Variants in AATK observed in about 807,000 individuals in gnomAD.
AATK encodes lemur tail kinase 1.
Under a neutral mutation model 114.3 loss-of-function variants are expected in AATK, and 91 were observed. That is an observed-to-expected ratio of 0.80 (90% CI 0.67 to 0.95). The LOEUF is 0.95. Ranked by LOEUF, AATK falls within the 40% of genes least tolerant of loss-of-function variation. The pLI is 0.00. For synonymous variants in AATK, 1,075 were observed against 916.5 expected, an observed-to-expected ratio of 1.17 and a Z score of -3.12; for missense variants, 2,176 against 1,965.2, an observed-to-expected ratio of 1.11 and a Z score of -2.03.
chr17:81,122,670 G>A lies in AATK; in HGVS notation c.1266C>T (p.Gly422=). Residue 422 remains glycine, a synonymous_variant, in exon 11 of 14, where the codon GGC becomes GGT. Transcript: ENST00000326724. ...RRWRSLRPGG[G]GVGPGPGAAG... is the part of the protein sequence containing the mutation. ...CCGCACCGGGCCCGGGCCCCACGCC[G>A]CCCCCGCCGGGCCGCAGAGAGCGCC... is the stretch of plus-strand genomic sequence containing the variant. 11 of 1,512,768 alleles carry A rather than the reference G, an allele frequency of 7.3e-6. No homozygotes were observed. Among genetic ancestry groups the A allele is most frequent in the South Asian group, 1.2e-5 (1 of 81,238 alleles). 93.7% of individuals were successfully genotyped at this position (1,512,768 alleles called of 1,614,324 possible).
intron 1 of AATK, among the ~76,000 whole-genome samples, chr17:81,144,783 G>A (rs367905257): frequency 1.8e-4 from 28 of 152,310 alleles, no homozygotes; most frequent in African/African-American, 3.6e-4. Context: ...TGAAGCTCCC[G>A]GGTGAAAGAA....
At chr17:81,130,568 G>A (rs183242725) in intron 3 of AATK, among the ~76,000 whole-genome samples, 95 of 152,218 alleles carry the variant, frequency 6.2e-4, no homozygotes, top group Non-Finnish European at 1.1e-3. Flanking sequence ...CCCCACCAGC[G>A]CCCCTCCTCC....
chr17:81,132,676 G>A (rs760567033), intron 2 of AATK: 6 of 320,936 alleles, frequency 1.9e-5, no homozygotes, highest in Admixed American at 1.8e-4. Context: ...GGGGCCAGCC[G>A]GGTCCTGCCG....
intron 1 of AATK, among the ~76,000 whole-genome samples, chr17:81,141,231 C>T (rs2061133748): frequency 6.6e-6 from 1 of 152,150 alleles, no homozygotes; most frequent in African/African-American, 2.4e-5. Context: ...GGATGGACCA[C>T]CTGAGGTTAG....
At chr17:81,165,790 C>A (rs1274271276) in intron 1 of AATK, 148 bp downstream of exon 1, 2 of 1,502,534 alleles carry the variant, frequency 1.3e-6, no homozygotes, top group Admixed American at 4.2e-5. Flanking sequence ...AGATCTGGGG[C>A]CGCCAGGGGG....
intron 1 of AATK, among the ~76,000 whole-genome samples, chr17:81,157,512 C>G (rs1473145224): frequency 6.6e-6 from 1 of 152,164 alleles, no homozygotes; most frequent in African/African-American, 2.4e-5. Context: ...GGGTTACCAC[C>G]CCAGCATCTC....
intron 1 of AATK, among the ~76,000 whole-genome samples, chr17:81,138,256 GAGAC>G (rs1199046514): frequency 8.3e-6 from 1 of 120,868 alleles, no homozygotes; most frequent in Non-Finnish European, 1.7e-5. Flanking sequence ...CACATGCACA[GAGAC>G]ATACCCACAT....
chr17:81,121,497 C>A lies in AATK; in HGVS notation c.2439G>T (p.Glu813Asp). Residue 813 changes from glutamate to aspartate, a missense_variant, in exon 11 of 14, where the codon GAG becomes GAT. Physicochemically the swap from Glu to Asp is conservative, Grantham distance 45 (BLOSUM62 2). Around this residue, in one of 4 missense-constraint regions of AATK, gnomAD observed 1,701 missense variants for 1,394.7 expected, o/e 1.22. Coordinates refer to ENST00000326724, the MANE Select transcript of AATK (RefSeq NM_001080395.3). The part of the protein sequence containing the change: ...SQEGAPLPSE[E>D]ASAPDAPDAL... ...CATCAGGGGCGTCGGGGGCACTGGCCTCCTCCGAGGGAAGTGGGGCTCCCT... is the reference window on the plus strand; with the variant it reads ...CATCAGGGGCGTCGGGGGCACTGGCATCCTCCGAGGGAAGTGGGGCTCCCT... 6.4e-7 allele frequency: 1 copy of A among 1,558,794 alleles called. No individual in the cohort carries two copies. Among genetic ancestry groups the A allele is most frequent in the East Asian group, 2.3e-5 (1 of 43,948 alleles).
At chr17:81,152,931 C>T (rs997301115) in intron 1 of AATK, among the ~76,000 whole-genome samples, 5 of 149,878 alleles carry the variant, frequency 3.3e-5, no homozygotes, top group African/African-American at 1.2e-4. Flanking sequence ...AAACCTCTGC[C>T]TCCCAGGTTC....
At chr17:81,137,297 C>T (rs1044979003) in intron 1 of AATK, among the ~76,000 whole-genome samples, 5 of 151,730 alleles carry the variant, frequency 3.3e-5, no homozygotes, top group African/African-American at 1.2e-4. Flanking sequence ...CCCCACTTTG[C>T]AGATGAGGAC....
intron 1 of AATK, 137 bp from the exon 2 acceptor site, chr17:81,134,638 A>AC: frequency 8.8e-7 from 1 of 1,135,048 alleles, no homozygotes; most frequent in Non-Finnish European, 1.2e-6. Context: ...CTCACCCCAG[A>AC]CCCCACACCT....
rs2060713604 is a variant in AATK at position 81,122,569 on chromosome 17, T to G, written c.1367A>C (p.Asp456Ala). 6.8e-7 allele frequency: 1 copy of G among 1,468,392 alleles called. No individual in the cohort carries two copies. The highest frequency in any genetic ancestry group is 1.5e-5 in the African/African-American group (1 of 67,570). 91.0% of individuals were successfully genotyped at this position (1,468,392 alleles called of 1,614,324 possible). The change falls in exon 11 of 14, where the codon GAC becomes GCC. Residue 456 changes from aspartate (D) to alanine (A), a missense_variant. This residue lies in a region of AATK where 1,701 missense variants were observed against 1,394.7 expected (regional missense o/e 1.22). Transcript: ENST00000326724. ...GTCGTCGCCGTCCGCGTGGAAGCCG[T>G]CGCCCGCGAACTGCTCCAGCAGCGG... ...SFPLLEQFAG[D>A]GFHADGDDVL...
At chr17:81,129,738 G>T (rs1308921098) in intron 3 of AATK, among the ~76,000 whole-genome samples, 2 of 152,146 alleles carry the variant, frequency 1.3e-5, no homozygotes, top group African/African-American at 4.8e-5. Context: ...TGGACCCAAG[G>T]GCAGTACCCC....
At position 81,123,306 on chromosome 17, in the gene AATK, C is replaced by T; in HGVS notation, c.1000G>A (p.Gly334Ser). 7.2e-7 allele frequency: 1 copy of T among 1,398,326 alleles called. No individual in the cohort carries two copies. Among genetic ancestry groups the T allele is most frequent in the Non-Finnish European group, 9.3e-7 (1 of 1,075,042 alleles). 86.6% of individuals were successfully genotyped at this position (1,398,326 alleles called of 1,614,324 possible). Residue 334 changes from glycine to serine, a missense_variant, in exon 10 of 14, where the codon GGC becomes AGC. Around this residue, in one of 4 missense-constraint regions of AATK, gnomAD observed 273 missense variants for 344.1 expected, o/e 0.79. Transcript: ENST00000326724. The part of the protein sequence containing the change: ...GVTIWELFEL[G>S]TQPYPQHSDQ... ...GAGTGCTGGGGATAGGGCTGCGTGC[C>T]CAGCTCAAAGAGCTCCCAGATGGTC...
Position 81,147,662 on chromosome 17 carries a change from C to T in AATK, c.56-13161G>A, listed in dbSNP as rs560754695. Among the ~76,000 whole-genome samples the T allele has an allele frequency of 2.0e-5, 3 of 151,876 alleles. No homozygotes were observed. The East Asian group carries it at 5.9e-4, about 30-fold the overall frequency. ...TCCCAGCTACTCCGGAGGCTGAGGT[C>T]GGAGGATCGCTTAAGCCCAGGTGTG... On this transcript the variant is annotated intron_variant, in intron 1 of 13. Transcript: ENST00000326724.
In AATK at chr17:81,121,954, T is replaced by C. The variant is rs1489681892; in HGVS notation, c.1982A>G (p.Glu661Gly). Residue 661 changes from glutamate to glycine, a missense_variant, in exon 11 of 14, where the codon GAG becomes GGG. By Grantham distance (98) the Glu-to-Gly change is moderately conservative. This residue lies in a region of AATK where 1,701 missense variants were observed against 1,394.7 expected (regional missense o/e 1.22). Transcript: ENST00000326724. ...SGAPPLPLTG[E>G]DELEEVGARR... ...CGCTCCCACCTCCTCTAGCTCATCC[T>C]CGCCAGTCAGCGGCAGCGGGGGCGC... 6.3e-7 allele frequency: 1 copy of C among 1,599,754 alleles called. No individual in the cohort carries two copies. Among genetic ancestry groups the C allele is most frequent in the Non-Finnish European group, 8.5e-7 (1 of 1,176,960 alleles).
chr17:81,127,932 CCA>C, intron 4 of AATK, 22 bp from the exon 5 acceptor site: 1 of 1,547,740 alleles, frequency 6.5e-7, no homozygotes, highest in Non-Finnish European at 8.7e-7. Flanking sequence ...ACAGCATCAC[CCA>C]CGGCTGCTCC....
intron 1 of AATK, among the ~76,000 whole-genome samples, chr17:81,154,201 T>C (rs1201723176): frequency 1.3e-5 from 2 of 152,110 alleles, no homozygotes; most frequent in Non-Finnish European, 2.9e-5. Flanking sequence ...AGCCTCACCA[T>C]GTGGTAGTGA....
intron 1 of AATK, among the ~76,000 whole-genome samples, chr17:81,155,118 C>T (rs562079877): frequency 3.5e-4 from 54 of 152,308 alleles, no homozygotes; most frequent in African/African-American, 1.3e-3. Flanking sequence ...GCGCTCTGCA[C>T]GGAAACCTTG....
Sources: gnomAD v4.1 joint callset for allele counts (sites outside exome capture counted in the v4.1 genomes callset) on GRCh38, gnomAD v4.1.1 for gene constraint, gnomAD v4.1.1 regional missense constraint, MANE v1.5 for transcripts, NCBI Gene and HGNC (gene_info 2026-07-23, HGNC 2026-07-21) for gene names.